The following STPG2 variants were observed in gnomAD, a reference collection of about 807,000 sequenced individuals.
STPG2 encodes sperm tail PG-rich repeat containing 2, also known as sperm-tail PG-rich repeat-containing protein 2.
STPG2 carries 56 observed loss-of-function variants against 54.2 expected under a neutral mutation model. The observed-to-expected ratio is 1.03, with a 90% CI of 0.83 to 1.29. STPG2 has a LOEUF of 1.29. Ranked by LOEUF, STPG2 falls within the 50% of genes most tolerant of loss-of-function variation. STPG2 has a pLI of 0.00. For synonymous variants in STPG2, 200 were observed against 181.8 expected (o/e 1.10, Z -0.81); for missense variants, 596 against 544.9 (o/e 1.09, Z -0.93).
intron 10 of STPG2, among the ~76,000 whole-genome samples, chr4:97,660,878 C>T (rs994149401): frequency 1.3e-5 from 2 of 152,088 alleles, no homozygotes; most frequent in East Asian, 3.9e-4. Flanking sequence ...ACAATAATTT[C>T]ATAATCCGTA....
chr4:97,948,440 T>G (rs1733332789), intron 7 of STPG2, among the ~76,000 whole-genome samples: 1 of 152,128 alleles, frequency 6.6e-6, no homozygotes, highest in African/African-American at 2.4e-5. Context: ...TAATCTTTGT[T>G]ACTTCTTTTC....
chr4:97,869,723 T>A (rs1284854050), intron 8 of STPG2, among the ~76,000 whole-genome samples: 3 of 151,662 alleles, frequency 2.0e-5, no homozygotes, highest in Non-Finnish European at 4.4e-5. Context: ...AAACATAACC[T>A]TTAGAAGTAT....
At chr4:97,462,913 C>T (rs1729699390) in intron 4 of STPG2, among the ~76,000 whole-genome samples, 2 of 151,974 alleles carry the variant, frequency 1.3e-5, no homozygotes, top group Non-Finnish European at 2.9e-5. Context: ...CTGATGACTT[C>T]CCAGTGACAC....
At chr4:97,518,320 A>T (rs1269740406) in intron 4 of STPG2, among the ~76,000 whole-genome samples, 1 of 152,096 alleles carries the variant, frequency 6.6e-6, no homozygotes. Flanking sequence ...CAAGATAAAA[A>T]CTATCTGCTG....
chr4:97,796,742 T>G (rs542974399), intron 9 of STPG2, among the ~76,000 whole-genome samples: 8 of 152,314 alleles, frequency 5.3e-5, no homozygotes, highest in Admixed American at 2.0e-4. Flanking sequence ...GTGAAGAAAG[T>G]CATTGGTAGC....
chr4:98,050,743 C>T (rs1048948816), intron 5 of STPG2, among the ~76,000 whole-genome samples: 3 of 152,142 alleles, frequency 2.0e-5, no homozygotes, highest in African/African-American at 7.2e-5. Context: ...CGGTGGCTCA[C>T]GCCTGTAATC....
At chr4:97,486,042 T>C (rs529123394) in intron 4 of STPG2, among the ~76,000 whole-genome samples, 2 of 151,754 alleles carry the variant, frequency 1.3e-5, no homozygotes, top group African/African-American at 4.8e-5. Context: ...AAAAATCAAC[T>C]CAAGATTGAT....
At chr4:97,608,351 G>T (rs1393109451) in intron 10 of STPG2, among the ~76,000 whole-genome samples, 2 of 151,880 alleles carry the variant, frequency 1.3e-5, no homozygotes, top group Admixed American at 6.6e-5. Context: ...AAAAAATTTG[G>T]CCATCACATT....
chr4:97,648,055 C>G (rs1721959642), intron 10 of STPG2, among the ~76,000 whole-genome samples: 1 of 152,158 alleles, frequency 6.6e-6, no homozygotes, highest in African/African-American at 2.4e-5. Flanking sequence ...GTCCTAAAGT[C>G]TCCCCACTTA....
At chr4:97,837,578 G>A (rs1010203538) in intron 9 of STPG2, among the ~76,000 whole-genome samples, 5 of 151,418 alleles carry the variant, frequency 3.3e-5, no homozygotes, top group African/African-American at 1.2e-4. Context: ...AATGTGATAA[G>A]CCTCATTTAA....
chr4:98,120,873 A>G (rs1739660073), intron 3 of STPG2, among the ~76,000 whole-genome samples: 1 of 152,144 alleles, frequency 6.6e-6, no homozygotes, highest in East Asian at 1.9e-4. Context: ...TGTGCTGATG[A>G]TAAGTTTCTT....
At chr4:97,905,582 A>G (rs1362724467) in intron 8 of STPG2, among the ~76,000 whole-genome samples, 1 of 152,148 alleles carries the variant, frequency 6.6e-6, no homozygotes, top group Non-Finnish European at 1.5e-5. Context: ...CATCATAATG[A>G]CAGGATCAAA....
In STPG2 at chr4:97,667,679, C is replaced by T. The variant is rs889808489; in HGVS notation, c.1320+45020G>A. The stretch of plus-strand genomic sequence containing the variant: ...TACATTTATTTGCATCATATAACTA[C>T]ATGCCAAACCAAGTATAACCTGGGT... On this transcript the variant is annotated intron_variant, in intron 10 of 10. Transcript: ENST00000295268. Among the ~76,000 whole-genome samples, 3 of 152,100 alleles carry T rather than the reference C, an allele frequency of 2.0e-5. No homozygotes were observed. The East Asian group carries it at 5.8e-4, about 29-fold the overall frequency.
chr4:97,493,742 G>A (rs1003465388), intron 4 of STPG2, among the ~76,000 whole-genome samples: 1 of 151,492 alleles, frequency 6.6e-6, no homozygotes, highest in Non-Finnish European at 1.5e-5. Context: ...AGGAGATACT[G>A]TTCCATTTTC....
intron 10 of STPG2, among the ~76,000 whole-genome samples, chr4:97,667,112 T>A (rs2148966276): frequency 6.6e-6 from 1 of 152,224 alleles, no homozygotes; most frequent in East Asian, 1.9e-4. Context: ...AAGTTAAAAA[T>A]TGAAAATAAA....
intron 10 of STPG2, among the ~76,000 whole-genome samples, chr4:97,680,427 T>C (rs1404659788): frequency 6.6e-6 from 1 of 152,140 alleles, no homozygotes; most frequent in Non-Finnish European, 1.5e-5. Flanking sequence ...GGCTCTCTGT[T>C]TGTCTGTTTT....
At chr4:97,466,626 A>G (rs1257119906) in intron 4 of STPG2, among the ~76,000 whole-genome samples, 1 of 152,064 alleles carries the variant, frequency 6.6e-6, no homozygotes, top group African/African-American at 2.4e-5. Flanking sequence ...TTTTAGATGA[A>G]TGTCTATTAC....
intron 4 of STPG2, among the ~76,000 whole-genome samples, chr4:97,478,862 C>T (rs1730143938): frequency 1.4e-5 from 2 of 144,664 alleles, no homozygotes; most frequent in Admixed American, 1.4e-4. Flanking sequence ...ACCCTAGAAA[C>T]CAAGCCAAAT....
At chr4:97,676,374 G>A (rs1722844936) in intron 10 of STPG2, among the ~76,000 whole-genome samples, 1 of 151,676 alleles carries the variant, frequency 6.6e-6, no homozygotes, top group African/African-American at 2.4e-5. Flanking sequence ...AATCCATCCT[G>A]GAGTTCCCTA....
Sources: allele counts gnomAD v4.1 joint callset (sites outside exome capture counted in the v4.1 genomes callset), GRCh38; gene constraint gnomAD v4.1.1; transcripts MANE v1.5; gene names NCBI Gene and HGNC (gene_info 2026-07-23, HGNC 2026-07-21).